LAMA2: variants seen among roughly 807,000 people sequenced by gnomAD.
LAMA2 encodes laminin subunit alpha-2.
LAMA2 carries 269 observed loss-of-function variants against 364.8 expected under a neutral mutation model. The observed-to-expected ratio is 0.74, with a 90% CI of 0.67 to 0.82. LAMA2 has a LOEUF of 0.82. Ranked by LOEUF, LAMA2 falls within the 40% of genes least tolerant of loss-of-function variation. LAMA2 has a pLI of 0.00. For synonymous variants in LAMA2, 1,379 were observed against 1,370.6 expected (o/e 1.01, Z -0.14); for missense variants, 3,807 against 3,873.2 (o/e 0.98, Z 0.45).
At chr6:129,163,632 C>A (rs1779575459) in intron 8 of LAMA2, among the ~76,000 whole-genome samples, 1 of 152,042 alleles carries the variant, frequency 6.6e-6, no homozygotes, top group Non-Finnish European at 1.5e-5. Flanking sequence ...GACCCTATCT[C>A]AAAAATAAAT....
At chr6:129,302,814 G>T (rs1015036329) in intron 22 of LAMA2, among the ~76,000 whole-genome samples, 2 of 151,910 alleles carry the variant, frequency 1.3e-5, no homozygotes, top group African/African-American at 4.8e-5. Context: ...CTGCTTCACC[G>T]ATCTATTCTT....
chr6:129,096,813 C>T (rs1208863415), intron 3 of LAMA2, among the ~76,000 whole-genome samples: 2 of 152,172 alleles, frequency 1.3e-5, no homozygotes, highest in Admixed American at 1.3e-4. Flanking sequence ...TGGGTGATTT[C>T]CCCTCCATGG....
intron 4 of LAMA2, among the ~76,000 whole-genome samples, chr6:129,123,646 T>C (rs1460544759): frequency 6.6e-6 from 1 of 152,050 alleles, no homozygotes; most frequent in Non-Finnish European, 1.5e-5. Flanking sequence ...AGGACAAATA[T>C]TACATGATAT....
At chr6:128,977,236 T>C (rs532903852) in intron 1 of LAMA2, among the ~76,000 whole-genome samples, 298 of 151,806 alleles carry the variant, frequency 2.0e-3, no homozygotes, top group African/African-American at 6.7e-3. Flanking sequence ...CCTTTCTTTC[T>C]TGCTTTCTTC....
chr6:128,884,564 A>G (rs1222664189), intron 1 of LAMA2, among the ~76,000 whole-genome samples: 1 of 152,164 alleles, frequency 6.6e-6, no homozygotes, highest in East Asian at 1.9e-4. Flanking sequence ...AGCTCTTTCT[A>G]TAATAATAAC....
rs757911372 is a variant in LAMA2, at chr6:129,516,246, T to A, written c.9268T>A (p.Ser3090Thr). The change falls in exon 65 of 65, where the codon TCC becomes ACC. Residue 3090 changes from serine to threonine, a missense_variant. This residue lies in a region of LAMA2 where 3,333 missense variants were observed against 3,345.7 expected (regional missense o/e 1.00). Coordinates refer to ENST00000421865, the MANE Select transcript of LAMA2 (RefSeq NM_000426.4). ...TSIPFRGCIR[S>T]LKLTKGTGKP... ...TATTCCGTTCCGAGGTTGCATCAGA[T>A]CCCTGAAGCTCACCAAAGGCACAGG... The A allele has an allele frequency of 1.9e-6, 3 of 1,614,030 alleles. No homozygotes were observed. In the South Asian group the frequency reaches 3.3e-5, roughly 18 times the overall value.
At chr6:129,049,275 A>T (rs972981017) in intron 1 of LAMA2, among the ~76,000 whole-genome samples, 1 of 152,114 alleles carries the variant, frequency 6.6e-6, no homozygotes, top group Non-Finnish European at 1.5e-5. Context: ...AAAGTTAAAA[A>T]CTTCTATTAT....
In LAMA2 at chr6:129,464,351, A is replaced by C; in HGVS notation, c.7054A>C (p.Ser2352Arg). ...TGATGGAGAAGGTTATGCATTGGTC[A>C]GCCGTCCCATTCGCTGGTACCCCAA... Reference protein sequence around the residue: ...QFDGEGYALVSRPIRWYPNIS... With the variant: ...QFDGEGYALVRRPIRWYPNIS... The change falls in exon 50 of 65, where the codon AGC (serine) becomes CGC (arginine). Residue 2352 changes from serine (S) to arginine (R), a missense_variant. This residue lies in a region of LAMA2 where 3,333 missense variants were observed against 3,345.7 expected (regional missense o/e 1.00). Transcript: ENST00000421865. 6.2e-7 allele frequency: 1 copy of C among 1,612,138 alleles called. No individual in the cohort carries two copies. Among genetic ancestry groups the C allele is most frequent in the Non-Finnish European group, 8.5e-7 (1 of 1,178,536 alleles).
intron 40 of LAMA2, among the ~76,000 whole-genome samples, chr6:129,410,001 A>G (rs1780445620): frequency 6.6e-6 from 1 of 152,202 alleles, no homozygotes; most frequent in African/African-American, 2.4e-5. Context: ...ACCAGAGGCA[A>G]TAAGCACACT....
chr6:129,170,809 A>G (rs1228089328), intron 9 of LAMA2, among the ~76,000 whole-genome samples: 1 of 149,940 alleles, frequency 6.7e-6, no homozygotes, highest in African/African-American at 2.5e-5. Context: ...GTGGGAGTCT[A>G]AGTCTCTTTG....
chr6:129,151,262 C>G (rs955194443), intron 7 of LAMA2, among the ~76,000 whole-genome samples: 2 of 152,128 alleles, frequency 1.3e-5, no homozygotes, highest in African/African-American at 4.8e-5. Flanking sequence ...GCTCATAGTT[C>G]TAAACACTCT....
intron 8 of LAMA2, chr6:129,158,863 T>A: frequency 6.2e-7 from 1 of 1,613,854 alleles, no homozygotes; most frequent in Non-Finnish European, 8.5e-7. Flanking sequence ...CATCTTCTTC[T>A]ATGATGGCAA....
At chr6:129,059,579 C>T (rs530275757) in intron 2 of LAMA2, among the ~76,000 whole-genome samples, 2 of 152,312 alleles carry the variant, frequency 1.3e-5, no homozygotes, top group South Asian at 2.1e-4. Flanking sequence ...TTAAACATTT[C>T]CTGCTACCTT....
At chr6:129,355,821 C>A (rs1777119529) in intron 32 of LAMA2, among the ~76,000 whole-genome samples, 1 of 152,030 alleles carries the variant, frequency 6.6e-6, no homozygotes, top group Admixed American at 6.6e-5. Flanking sequence ...TTAGACTGAT[C>A]CACATCATGG....
At chr6:129,386,843 GA>G (rs1324517640) in intron 35 of LAMA2, among the ~76,000 whole-genome samples, 3 of 152,082 alleles carry the variant, frequency 2.0e-5, no homozygotes, top group African/African-American at 7.2e-5. Flanking sequence ...AATCCAAAAA[GA>G]TACTGAAGGC....
intron 12 of LAMA2, among the ~76,000 whole-genome samples, chr6:129,212,747 C>T (rs1245211512): frequency 6.6e-6 from 1 of 152,210 alleles, no homozygotes; most frequent in Non-Finnish European, 1.5e-5. Flanking sequence ...AATTTGCTTT[C>T]ACTTAGGAAG....
intron 1 of LAMA2, among the ~76,000 whole-genome samples, chr6:129,015,591 A>G (rs1785018551): frequency 1.3e-5 from 2 of 152,096 alleles, no homozygotes; most frequent in African/African-American, 4.8e-5. Context: ...TAACACTAGA[A>G]TTTTAAACTT....
rs532252424 is a variant in LAMA2, at chr6:129,370,128, G to A, written c.4959+138G>A. The stretch of plus-strand genomic sequence containing the variant: ...ATATAAAATAGATGTATTCTGACTT[G>A]CTAATTCTGCTTCAAATCAAATCAT... On this transcript the variant is annotated intron_variant, in intron 34 of 64. Coordinates refer to ENST00000421865, the MANE Select transcript of LAMA2 (RefSeq NM_000426.4). The A allele has an allele frequency of 4.8e-4, 353 of 739,686 alleles. 3 individuals carry two copies. In the African/African-American group the frequency reaches 5.6e-3, roughly 12 times the overall value. The allele number at this position is 739,686 out of a possible 1,614,324, so 45.8% of individuals were successfully genotyped here.
chr6:128,945,594 TA>T (rs1049240283), intron 1 of LAMA2, among the ~76,000 whole-genome samples: 1 of 152,268 alleles, frequency 6.6e-6, no homozygotes, highest in Non-Finnish European at 1.5e-5. Flanking sequence ...TAAGTTTTAA[TA>T]ATGGCATGTA....
Sources: allele counts gnomAD v4.1 joint callset (sites outside exome capture counted in the v4.1 genomes callset), GRCh38; gene constraint gnomAD v4.1.1; regional missense constraint gnomAD v4.1.1; transcripts MANE v1.5; gene names NCBI Gene and HGNC (gene_info 2026-07-23, HGNC 2026-07-21).